The following KAT14 variants were observed in gnomAD, a reference collection of about 807,000 sequenced individuals.
The protein encoded by KAT14 is cysteine-rich protein 2-binding protein.
A neutral mutation model predicts 78.4 loss-of-function variants in KAT14; 66 were observed. The observed-to-expected ratio is 0.84, with a 90% CI of 0.69 to 1.03. KAT14 has a LOEUF of 1.03. Ranked by LOEUF, KAT14 falls within the 50% of genes least tolerant of loss-of-function variation. KAT14 has a pLI of 0.00. For synonymous variants in KAT14, 344 were observed against 359.4 expected (o/e 0.96, Z 0.48); for missense variants, 870 against 972.5 (o/e 0.89, Z 1.40).
At chr20:18,179,255 A>G (rs1197779841) in intron 7 of KAT14, among the ~76,000 whole-genome samples, 1 of 152,148 alleles carries the variant, frequency 6.6e-6, no homozygotes, top group Non-Finnish European at 1.5e-5. Context: ...TGGATCTGCC[A>G]TTCTGGGGTC....
In KAT14 at chr20:18,138,034, C is replaced by T. The variant is rs2037358753; in HGVS notation, c.-471C>T. The T allele has an allele frequency of 2.7e-6, 4 of 1,494,208 alleles. No individual in the cohort carries two copies. The highest frequency in any genetic ancestry group is 1.7e-4 in the Middle Eastern group (1 of 5,868). The allele number at this position is 1,494,208 out of a possible 1,614,324, so 92.6% of individuals were successfully genotyped here. ...CACAGTGGCCGGCGTACATGTGAAG[C>T]AGCAGTGGGACCAGCAGGTCGGTGT... On this transcript the variant is annotated 5_prime_UTR_variant, in exon 1 of 11. The change creates a premature stop within an existing upstream ORF in the 5' untranslated region. Transcript: ENST00000688188.
At chr20:18,144,977 C>T (rs1247489587) in intron 2 of KAT14, 1 of 829,958 alleles carries the variant, frequency 1.2e-6, no homozygotes, top group Non-Finnish European at 1.6e-6. Flanking sequence ...TTGGGAAATC[C>T]AGCAACAATA....
intron 5 of KAT14, 65 bp from the exon 6 acceptor site, chr20:18,161,758 A>C (rs2038430169): frequency 6.5e-7 from 1 of 1,538,736 alleles, no homozygotes; most frequent in Admixed American, 2.2e-5. Context: ...TGAAATCCAA[A>C]ACATGCTTGT....
intron 7 of KAT14, among the ~76,000 whole-genome samples, chr20:18,178,062 C>T (rs777888303): frequency 4.6e-5 from 7 of 151,234 alleles, no homozygotes; most frequent in Non-Finnish European, 7.4e-5. Flanking sequence ...GAGCCAAGAT[C>T]GCACCACTGC....
intron 5 of KAT14, among the ~76,000 whole-genome samples, chr20:18,161,446 C>T (rs1367215155): frequency 6.6e-6 from 1 of 152,038 alleles, no homozygotes; most frequent in Non-Finnish European, 1.5e-5. Context: ...CAAGAGATAT[C>T]TAAGTCTTTT....
intron 2 of KAT14, among the ~76,000 whole-genome samples, chr20:18,144,784 G>T (rs2037759696): frequency 6.6e-6 from 1 of 152,210 alleles, no homozygotes; most frequent in Non-Finnish European, 1.5e-5. Flanking sequence ...CCACTGTGTT[G>T]TTGTGATCAC....
intron 9 of KAT14, 148 bp from the exon 10 acceptor site, chr20:18,184,454 G>T (rs1316747363): frequency 1.4e-6 from 1 of 693,140 alleles, no homozygotes; most frequent in Non-Finnish European, 2.3e-6. Context: ...TGATCTGGTT[G>T]TGTGGTCTCT....
At chr20:18,167,085 G>C (rs1261164891) in intron 7 of KAT14, among the ~76,000 whole-genome samples, 5 of 152,162 alleles carry the variant, frequency 3.3e-5, no homozygotes. Context: ...CAGACCTCCT[G>C]GCTTCTGGGG....
chr20:18,147,117 G>T (rs957115265), intron 3 of KAT14, among the ~76,000 whole-genome samples: 47 of 152,142 alleles, frequency 3.1e-4, no homozygotes, highest in African/African-American at 1.1e-3. Flanking sequence ...AGCCACTTAT[G>T]GTGTTCCTTG....
intron 1 of KAT14, among the ~76,000 whole-genome samples, chr20:18,139,518 T>A (rs2037440942): frequency 6.6e-6 from 1 of 152,192 alleles, no homozygotes; most frequent in Admixed American, 6.5e-5. Context: ...GATGGGGACC[T>A]GGTTCAACAA....
rs768319161 is a variant in KAT14 at position 18,187,425 on chromosome 20, G to A, written c.2312G>A (p.Cys771Tyr). The A allele has an allele frequency of 9.9e-6, 16 of 1,614,126 alleles. No individual in the cohort carries two copies. Among genetic ancestry groups the A allele is most frequent in the Non-Finnish European group, 1.4e-5 (16 of 1,180,034 alleles). ...TATTACCCATTGGAGAGTACAGAGTGTAAACACGCATTCTTTCTGAGGCTC... is the reference window on the plus strand; with the variant it reads ...TATTACCCATTGGAGAGTACAGAGTATAAACACGCATTCTTTCTGAGGCTC... ...DKYYPLESTE[C>Y]KHAFFLRLRR The change falls in exon 11 of 11, where the codon TGT (cysteine) becomes TAT (tyrosine). Residue 771 changes from cysteine (C) to tyrosine (Y), a missense_variant. Coordinates refer to ENST00000688188, the MANE Select transcript of KAT14 (RefSeq NM_001392073.1).
chr20:18,160,176 C>T (rs566577579), intron 5 of KAT14, among the ~76,000 whole-genome samples: 1 of 152,278 alleles, frequency 6.6e-6, no homozygotes, highest in African/African-American at 2.4e-5. Flanking sequence ...GCTGGGATTA[C>T]AGGGTGAGCC....
At chr20:18,180,440 C>T (rs945725474) in intron 7 of KAT14, among the ~76,000 whole-genome samples, 11 of 152,224 alleles carry the variant, frequency 7.2e-5, no homozygotes, top group Non-Finnish European at 1.3e-4. Context: ...TCCAAACTTT[C>T]CCACATTTTC....
intron 3 of KAT14, 133 bp downstream of exon 3, chr20:18,145,484 A>G (rs1372119713): frequency 3.0e-6 from 4 of 1,326,834 alleles, no homozygotes; most frequent in Non-Finnish European, 3.1e-6. Flanking sequence ...ATGAAATTAG[A>G]TACCGAATAT....
intron 4 of KAT14, among the ~76,000 whole-genome samples, chr20:18,155,924 G>A (rs2038209271): frequency 6.6e-6 from 1 of 152,200 alleles, no homozygotes. Flanking sequence ...GGGTCTCAGA[G>A]ATACTTGTAT....
intron 7 of KAT14, 147 bp downstream of exon 7, chr20:18,163,092 C>A: frequency 9.3e-7 from 1 of 1,079,480 alleles, no homozygotes; most frequent in Middle Eastern, 3.0e-4. Context: ...GAAAAAAATA[C>A]AAAAATCGCT....
chr20:18,170,558 G>A (rs6045228), intron 7 of KAT14, among the ~76,000 whole-genome samples: 6,391 of 152,206 alleles, frequency 0.042, 419 homozygotes, highest in African/African-American at 0.14. Flanking sequence ...TTTTTGAGAC[G>A]GAGTCTTGCT....
chr20:18,159,844 C>G (rs1001281362), intron 5 of KAT14, among the ~76,000 whole-genome samples: 1 of 152,184 alleles, frequency 6.6e-6, no homozygotes, highest in Non-Finnish European at 1.5e-5. Flanking sequence ...CTTACTATCA[C>G]ATATTGATCT....
At chr20:18,155,810 CGTT>C (rs1315605858) in intron 4 of KAT14, among the ~76,000 whole-genome samples, 5 of 152,098 alleles carry the variant, frequency 3.3e-5, no homozygotes, top group South Asian at 2.1e-4. Flanking sequence ...ATTGTACAAT[CGTT>C]GTGGAAAATG....
Sources: allele counts gnomAD v4.1 joint callset (sites outside exome capture counted in the v4.1 genomes callset), GRCh38; gene constraint gnomAD v4.1.1; transcripts MANE v1.5; gene names NCBI Gene and HGNC (gene_info 2026-07-23, HGNC 2026-07-21).